Variants in CIROZ observed in about 807,000 individuals in gnomAD.
CIROZ encodes the protein ciliated left-right organizer ZP-N domains-containing protein.
At chr1:10,970,227 G>T in the CIROZ span, 2 of 784,032 alleles carry the variant, frequency 2.6e-6, no homozygotes, top group African/African-American at 3.5e-5. Context: ...GTCAGGAAAG[G>T]GCATGTAGGG....
chr1:10,971,720 G>A, the CIROZ span, among the ~76,000 whole-genome samples: 1 of 152,120 alleles, frequency 6.6e-6, no homozygotes, highest in Non-Finnish European at 1.5e-5. Flanking sequence ...ACTCGAGTGA[G>A]GATAGATGGA....
chr1:10,977,784 G>A, the CIROZ span, among the ~76,000 whole-genome samples: 7 of 152,174 alleles, frequency 4.6e-5, no homozygotes, highest in African/African-American at 1.7e-4. Flanking sequence ...AAAGGCTGGA[G>A]TTAGACAGCA....
At chr1:10,974,164 G>A in the CIROZ span, among the ~76,000 whole-genome samples, 2 of 152,110 alleles carry the variant, frequency 1.3e-5, no homozygotes, top group African/African-American at 4.8e-5. The surrounding 1 kb of genome is among the most constrained non-coding windows in gnomAD (Gnocchi z 4.4). Context: ...AGGGCTGCGG[G>A]CCGGGCTGCC....
the CIROZ span, among the ~76,000 whole-genome samples, chr1:10,951,120 A>G: frequency 1.3e-5 from 2 of 152,092 alleles, no homozygotes; most frequent in African/African-American, 2.4e-5. Flanking sequence ...AGGCATTTCC[A>G]TCAGTGAACC....
the CIROZ span, chr1:10,969,829 G>A: frequency 1.2e-5 from 15 of 1,286,012 alleles, no homozygotes; most frequent in African/African-American, 3.0e-5. Flanking sequence ...TGGAAGGGCT[G>A]TGGGGGGAGG....
At chr1:10,949,880 G>T in the CIROZ span, 1 of 1,400,404 alleles carries the variant, frequency 7.1e-7, no homozygotes, top group Non-Finnish European at 9.6e-7. Flanking sequence ...ACACCCTGCT[G>T]AAGGGACCAT....
At chr1:10,963,088 C>T in the CIROZ span, among the ~76,000 whole-genome samples, 1 of 128,176 alleles carries the variant, frequency 7.8e-6, no homozygotes, top group African/African-American at 3.8e-5. Flanking sequence ...GAGCAAGATC[C>T]TGTCTCTTTA....
chr1:10,949,489 G>A, the CIROZ span: 10 of 1,018,146 alleles, frequency 9.8e-6, no homozygotes, highest in Non-Finnish European at 1.4e-5. Flanking sequence ...CATGGTTGGG[G>A]ATCAGAGTGG....
the CIROZ span, chr1:10,954,075 A>C: frequency 1.9e-6 from 3 of 1,613,732 alleles, no homozygotes; most frequent in Non-Finnish European, 2.5e-6. Flanking sequence ...CATCTCGGCA[A>C]ATTCCAGGCT....
chr1:10,974,157 GC>G, the CIROZ span, among the ~76,000 whole-genome samples: 3 of 152,134 alleles, frequency 2.0e-5, no homozygotes, highest in African/African-American at 7.2e-5. This position sits in a 1 kb window ranked among gnomAD's most constrained non-coding sequence, Gnocchi z 4.4. Flanking sequence ...GAGGGCCAGG[GC>G]TGCGGGCCGG....
chr1:10,970,007 C>A, the CIROZ span: 2 of 1,537,030 alleles, frequency 1.3e-6, no homozygotes. Context: ...ACCGCCTCAG[C>A]CCCTCCACGT....
chr1:10,947,159 G>C, the CIROZ span, among the ~76,000 whole-genome samples: 1 of 152,228 alleles, frequency 6.6e-6, no homozygotes, highest in Non-Finnish European at 1.5e-5. Context: ...AGAGAGGTGA[G>C]TGCCTTGCCA....
chr1:10,976,887 G>A, the CIROZ span, among the ~76,000 whole-genome samples: 1 of 152,148 alleles, frequency 6.6e-6, no homozygotes, highest in Non-Finnish European at 1.5e-5. Flanking sequence ...CGGGTGCGAG[G>A]GCTCACAGCT....
chr1:10,957,124 G>A, the CIROZ span: 3 of 1,546,120 alleles, frequency 1.9e-6, no homozygotes, highest in Non-Finnish European at 2.6e-6. Flanking sequence ...AGGAAGGGGG[G>A]TCCCCCCTGA....
chr1:10,961,270 C>G, the CIROZ span, among the ~76,000 whole-genome samples: 1 of 152,120 alleles, frequency 6.6e-6, no homozygotes, highest in African/African-American at 2.4e-5. Context: ...CCTGGCAGCC[C>G]TGCTTGGGGA....
At chr1:10,981,540 G>C in the CIROZ span, among the ~76,000 whole-genome samples, 1 of 136,818 alleles carries the variant, frequency 7.3e-6, no homozygotes, top group African/African-American at 3.6e-5. Flanking sequence ...GGAAGGCAGG[G>C]AGGGAAGGAA....
chr1:10,961,360 G>T, the CIROZ span, among the ~76,000 whole-genome samples: 1 of 151,568 alleles, frequency 6.6e-6, no homozygotes. Flanking sequence ...CCTTAATAAA[G>T]GTAGGTGGGC....
the CIROZ span, among the ~76,000 whole-genome samples, chr1:10,961,160 C>T: frequency 6.6e-6 from 1 of 152,196 alleles, no homozygotes. Flanking sequence ...GGCCCACTGT[C>T]GTGTGAGGAC....
At chr1:10,964,890 C>T in the CIROZ span, among the ~76,000 whole-genome samples, 1 of 152,200 alleles carries the variant, frequency 6.6e-6, no homozygotes, top group Non-Finnish European at 1.5e-5. Flanking sequence ...CTTGGCCTCC[C>T]AAAGTGCTGG....
Sources: gnomAD v4.1 joint callset for allele counts (sites outside exome capture counted in the v4.1 genomes callset) on GRCh38, gnomAD v4.1.1 for gene constraint, Gnocchi (gnomAD v3.1) non-coding constraint, MANE v1.5 for transcripts, NCBI Gene and HGNC (gene_info 2026-07-23, HGNC 2026-07-21) for gene names.